Variants in METTL16 observed in about 807,000 individuals in gnomAD.
METTL16 encodes methyltransferase 16, RNA N6-adenosine.
A neutral mutation model predicts 57.9 loss-of-function variants in METTL16; 19 were observed. That is an observed-to-expected ratio of 0.33 (90% CI 0.23 to 0.48). The LOEUF is 0.48. METTL16 is among the 20% of genes least tolerant of loss of function. The pLI, the probability that METTL16 is intolerant of heterozygous loss-of-function variation, is 0.99. For missense variants in METTL16, 434 were observed against 691.5 expected, an observed-to-expected ratio of 0.63 and a Z score of 4.18; for synonymous variants, 246 against 255.6, an observed-to-expected ratio of 0.96 and a Z score of 0.36.
chr17:2,449,999 G>A (rs962727575), intron 6 of METTL16, among the ~76,000 whole-genome samples: 1 of 152,136 alleles, frequency 6.6e-6, no homozygotes, highest in Non-Finnish European at 1.5e-5. Context: ...GTACCAAATG[G>A]TGTCAACGGA....
chr17:2,481,240 A>C (rs986162229), intron 2 of METTL16, among the ~76,000 whole-genome samples: 4 of 152,068 alleles, frequency 2.6e-5, no homozygotes, highest in East Asian at 1.9e-4. Context: ...AAAAAAAAAA[A>C]AACCCAGGAT....
At chr17:2,492,167 C>A (rs543869904) in intron 2 of METTL16, among the ~76,000 whole-genome samples, 1 of 151,930 alleles carries the variant, frequency 6.6e-6, no homozygotes, top group Admixed American at 6.6e-5. Flanking sequence ...GCCGAGATTG[C>A]GCCACTGCAC....
At chr17:2,448,805 A>AAAAAAAAAAAAAAAAAAAAAT in intron 6 of METTL16, among the ~76,000 whole-genome samples, 1 of 104,564 alleles carries the variant, frequency 9.6e-6, no homozygotes, top group South Asian at 3.5e-4. Context: ...TAAAATTTAA[A>AAAAAAAAAAAAAAAAAAAAAT]AAAAAAAAAA....
At chr17:2,445,429 C>T (rs928564189) in intron 6 of METTL16, among the ~76,000 whole-genome samples, 1 of 152,144 alleles carries the variant, frequency 6.6e-6, no homozygotes. Flanking sequence ...TATATTAAAA[C>T]ATCACCTTGT....
chr17:2,456,270 A>G (rs1001901987), intron 6 of METTL16, among the ~76,000 whole-genome samples: 2 of 152,036 alleles, frequency 1.3e-5, no homozygotes, highest in African/African-American at 2.4e-5. Context: ...ACCCTAAAAC[A>G]CCTTTACTGA....
At chr17:2,485,987 C>T (rs1436362349) in intron 2 of METTL16, among the ~76,000 whole-genome samples, 4 of 151,990 alleles carry the variant, frequency 2.6e-5, no homozygotes, top group South Asian at 2.1e-4. Flanking sequence ...AAGGAAGGAA[C>T]GAAGGGAAGG....
In METTL16 at chr17:2,438,061, C is replaced by T. The variant is rs754733819; in HGVS notation, c.888+48G>A. On this transcript the variant is annotated intron_variant, in intron 8 of 9. Transcript: ENST00000263092. Reference sequence around the variant, plus strand: ...TCAGTTCACTTATGATGGACTGAAACCCACCATGTGCTGGCAGGTGGTGAA... The same window carrying T: ...TCAGTTCACTTATGATGGACTGAAATCCACCATGTGCTGGCAGGTGGTGAA... 5.2e-6 allele frequency: 7 copies of T among 1,350,898 alleles called. No individual in the cohort carries two copies. In the African/African-American group the frequency reaches 8.5e-5, roughly 16 times the overall value. 83.7% of individuals were successfully genotyped at this position (1,350,898 alleles called of 1,614,324 possible).
chr17:2,443,489 C>CT (rs370199414), intron 6 of METTL16, among the ~76,000 whole-genome samples: 31,310 of 136,846 alleles, frequency 0.23, 5,484 homozygotes, highest in African/African-American at 0.49. Flanking sequence ...CATATCATTT[C>CT]TTTTTTTTTT....
At chr17:2,481,485 C>T (rs2067306122) in intron 2 of METTL16, among the ~76,000 whole-genome samples, 1 of 151,912 alleles carries the variant, frequency 6.6e-6, no homozygotes, top group South Asian at 2.1e-4. Flanking sequence ...AAAAAGCAGG[C>T]ACAATTAAAC....
At chr17:2,445,188 T>C (rs2066985828) in intron 6 of METTL16, among the ~76,000 whole-genome samples, 1 of 152,136 alleles carries the variant, frequency 6.6e-6, no homozygotes, top group African/African-American at 2.4e-5. Context: ...TTTTCTATGT[T>C]TGATATGTTT....
chr17:2,490,330 C>T (rs2067378000), intron 2 of METTL16, among the ~76,000 whole-genome samples: 1 of 152,036 alleles, frequency 6.6e-6, no homozygotes, highest in African/African-American at 2.4e-5. Flanking sequence ...ACTGTACTCG[C>T]TTGGGGGGAT....
chr17:2,419,940 T>C lies in METTL16; in HGVS notation c.*30A>G. The C allele has an allele frequency of 6.2e-7, 1 of 1,608,862 alleles. No homozygotes were observed. The highest frequency in any genetic ancestry group is 1.3e-5 in the African/African-American group (1 of 74,892). On this transcript the variant is annotated 3_prime_UTR_variant, in exon 10 of 10. Transcript: ENST00000263092. ...CAGGCCACTCCAAAGCAAGTTACTATCAACACGTTTCCAACTGTGCAGGAG... is the reference window on the plus strand; with the variant it reads ...CAGGCCACTCCAAAGCAAGTTACTACCAACACGTTTCCAACTGTGCAGGAG...
At chr17:2,464,855 T>C (rs1367217599) in intron 5 of METTL16, among the ~76,000 whole-genome samples, 4 of 151,842 alleles carry the variant, frequency 2.6e-5, no homozygotes, top group Non-Finnish European at 4.4e-5. Flanking sequence ...TTAATTTTCA[T>C]GAGCTTGGAT....
chr17:2,506,735 G>A (rs77771525), intron 1 of METTL16, among the ~76,000 whole-genome samples: 85,836 of 151,044 alleles, frequency 0.57, 27,434 homozygotes, highest in Non-Finnish European at 0.73. Flanking sequence ...GAGCGTCTCT[G>A]CCTGGCCGCC....
intron 6 of METTL16, among the ~76,000 whole-genome samples, chr17:2,451,288 G>A (rs1289312595): frequency 6.6e-6 from 1 of 152,114 alleles, no homozygotes; most frequent in Non-Finnish European, 1.5e-5. Context: ...TCATTTGGTG[G>A]TTTAAAAATG....
chr17:2,420,140 G>T lies in METTL16; in HGVS notation c.1519C>A (p.Leu507Ile), dbSNP rs1370033588. 3.1e-6 allele frequency: 5 copies of T among 1,614,254 alleles called. No homozygotes were observed. The highest frequency in any genetic ancestry group is 1.1e-5 in the South Asian group (1 of 91,082). Reference sequence around the variant, plus strand: ...AGGTACTGTCCGGCCACTCCTGGGAGACGTTTCCCCCTTTCAGCCACTGGG... The same window carrying T: ...AGGTACTGTCCGGCCACTCCTGGGATACGTTTCCCCCTTTCAGCCACTGGG... ...GSPVAERGKR[L>I]PGVAGQYLFK... The change falls in exon 10 of 10, where the codon CTC (leucine) becomes ATC (isoleucine). Residue 507 changes from leucine (L) to isoleucine (I), a missense_variant. Coordinates refer to ENST00000263092, the MANE Select transcript of METTL16 (RefSeq NM_024086.4). This position sits in a 1 kb window ranked among gnomAD's most constrained non-coding sequence, Gnocchi z 5.4.
intron 1 of METTL16, among the ~76,000 whole-genome samples, chr17:2,505,671 T>A (rs1056862893): frequency 6.6e-6 from 1 of 151,974 alleles, no homozygotes; most frequent in Non-Finnish European, 1.5e-5. Context: ...AGACTACAGG[T>A]GTGCACCACC....
intron 2 of METTL16, among the ~76,000 whole-genome samples, chr17:2,489,146 A>AG (rs1197688723): frequency 1.3e-5 from 2 of 151,128 alleles, no homozygotes; most frequent in African/African-American, 2.4e-5. Context: ...TTTGTAGAGA[A>AG]GGGGTCTCAC....
intron 8 of METTL16, among the ~76,000 whole-genome samples, chr17:2,433,348 C>T (rs577486117): frequency 1.7e-4 from 26 of 152,272 alleles, no homozygotes; most frequent in African/African-American, 6.3e-4. Context: ...ATCTGGGAGG[C>T]CCAAGGAGCC....
Sources: allele counts gnomAD v4.1 joint callset (sites outside exome capture counted in the v4.1 genomes callset), GRCh38; gene constraint gnomAD v4.1.1; non-coding constraint Gnocchi (gnomAD v3.1); transcripts MANE v1.5; gene names NCBI Gene and HGNC (gene_info 2026-07-23, HGNC 2026-07-21).